The following ZNF608 variants were observed in gnomAD, a reference collection of about 807,000 sequenced individuals.
ZNF608 encodes the protein zinc finger protein 608.
ZNF608 carries 12 observed loss-of-function variants against 109.0 expected under a neutral mutation model. The observed-to-expected ratio is 0.11, with a 90% CI of 0.07 to 0.18. The LOEUF (loss-of-function observed/expected upper bound fraction) is 0.18, where lower values mean the gene tolerates loss of function less well. ZNF608 is among the 10% of genes least tolerant of loss of function. ZNF608 has a pLI of 1.00. For synonymous variants in ZNF608, 732 were observed against 717.4 expected (o/e 1.02, Z -0.33); for missense variants, 1,707 against 1,879.3 (o/e 0.91, Z 1.70).
chr5:124,640,045 A>G (rs956458108), intron 8 of ZNF608, among the ~76,000 whole-genome samples: 1 of 152,184 alleles, frequency 6.6e-6, no homozygotes, highest in African/African-American at 2.4e-5. Context: ...ACTCAATACA[A>G]ATTGTTTAAG....
At chr5:124,690,461 T>C (rs949123154) in intron 3 of ZNF608, among the ~76,000 whole-genome samples, 1 of 152,218 alleles carries the variant, frequency 6.6e-6, no homozygotes, top group Non-Finnish European at 1.5e-5. Flanking sequence ...ACGCTATGCA[T>C]GTGTAGGGGC....
intron 2 of ZNF608, among the ~76,000 whole-genome samples, chr5:124,711,697 C>T (rs888523743): frequency 6.6e-6 from 1 of 152,192 alleles, no homozygotes; most frequent in South Asian, 2.1e-4. Flanking sequence ...TGAGCAGTGG[C>T]CGCAGAGCCA....
intron 2 of ZNF608, among the ~76,000 whole-genome samples, chr5:124,725,944 G>A (rs916603488): frequency 2.0e-5 from 3 of 152,068 alleles, no homozygotes; most frequent in African/African-American, 7.2e-5. Flanking sequence ...ATAGAAAAGG[G>A]TGCTATATTC....
intron 2 of ZNF608, among the ~76,000 whole-genome samples, chr5:124,709,347 T>G (rs1753399734): frequency 6.6e-6 from 1 of 152,108 alleles, no homozygotes; most frequent in African/African-American, 2.4e-5. Context: ...TAAACAGCAG[T>G]GACTATTTTT....
chr5:124,744,658 G>T lies in ZNF608; in HGVS notation c.332C>A (p.Thr111Asn). ...CAGAGATTTATTAGCATCCTTAGAA[G>T]TTTTACTCCTTTTCACTTTTGATTT... ...TSKSKVKRSK[T>N]SKDANKSLPS... The change falls in exon 2 of 10, where the codon ACT becomes AAT. Residue 111 changes from threonine to asparagine, a missense_variant. Coordinates refer to ENST00000513986, the MANE Select transcript of ZNF608 (RefSeq NM_020747.3). This position sits in a 1 kb window ranked among gnomAD's most constrained non-coding sequence, Gnocchi z 4.5. 1 of 1,614,218 alleles carries T rather than the reference G, an allele frequency of 6.2e-7. No individual in the cohort carries two copies. The highest frequency in any genetic ancestry group is 8.5e-7 in the Non-Finnish European group (1 of 1,180,046).
chr5:124,728,149 C>T (rs1214745352), intron 2 of ZNF608, among the ~76,000 whole-genome samples: 1 of 152,124 alleles, frequency 6.6e-6, no homozygotes, highest in Non-Finnish European at 1.5e-5. Context: ...CAGGAAAGCT[C>T]TTATGCCTCT....
At chr5:124,680,580 A>G (rs1449278189) in intron 3 of ZNF608, among the ~76,000 whole-genome samples, 1 of 152,190 alleles carries the variant, frequency 6.6e-6, no homozygotes, top group Non-Finnish European at 1.5e-5. Flanking sequence ...GTTCTACTGA[A>G]GCATGTAGAA....
intron 3 of ZNF608, among the ~76,000 whole-genome samples, chr5:124,678,574 A>G (rs1178385965): frequency 6.6e-6 from 1 of 152,196 alleles, no homozygotes; most frequent in African/African-American, 2.4e-5. Flanking sequence ...TCCCATGCTC[A>G]CATCTAGACT....
At position 124,746,218 on chromosome 5, in the gene ZNF608, A is replaced by T; in HGVS notation, c.-207T>A. On this transcript the variant is annotated 5_prime_UTR_variant, in exon 1 of 10. Transcript: ENST00000513986. ...ACCTTTTAATCCTTTATCATTTTTTAATTAGGCCAGCAAATCAAAATGCCT... is the reference window on the plus strand; with the variant it reads ...ACCTTTTAATCCTTTATCATTTTTTTATTAGGCCAGCAAATCAAAATGCCT... The T allele has an allele frequency of 1.0e-6, 1 of 985,460 alleles. No individual in the cohort carries two copies. Among genetic ancestry groups the T allele is most frequent in the Non-Finnish European group, 1.2e-6 (1 of 829,932 alleles). The allele number at this position is 985,460 out of a possible 1,614,324, so 61.0% of individuals were successfully genotyped here.
At position 124,745,187 on chromosome 5, in the gene ZNF608, GGA is replaced by G; in HGVS notation, c.-183-17_-183-16del. The G allele has an allele frequency of 7.1e-7, 1 of 1,400,716 alleles. No individual in the cohort carries two copies. Among genetic ancestry groups the G allele is most frequent in the Non-Finnish European group, 9.2e-7 (1 of 1,086,264 alleles). The allele number at this position is 1,400,716 out of a possible 1,614,324, so 86.8% of individuals were successfully genotyped here. On this transcript the variant is annotated splice_polypyrimidine_tract_variant and intron_variant, in intron 1 of 9. Coordinates refer to ENST00000513986, the MANE Select transcript of ZNF608 (RefSeq NM_020747.3). ...TCCACCTTTTCCTGTGAAGGGGGGG[GGA>G]AAAGTCGAATATTTCTTGTCTGGGT...
Position 124,647,211 on chromosome 5 carries a change from G to A in ZNF608, c.3173C>T (p.Ser1058Phe), listed in dbSNP as rs1002187889. ...CACCGACTGGTGCTGAGGCTGTAAG[G>A]ATGCAGAATTGTGGTCCACTTTCTT... ...DSKKVDHNSA[S>F]LQPQHQSVIT... is the part of the protein sequence containing the mutation. The change falls in exon 5 of 10, where the codon TCC (serine) becomes TTC (phenylalanine). Residue 1058 changes from serine (S) to phenylalanine (F), a missense_variant. By Grantham distance (155) the Ser-to-Phe change is radical. Coordinates refer to ENST00000513986, the MANE Select transcript of ZNF608 (RefSeq NM_020747.3). 1.8e-5 allele frequency: 29 copies of A among 1,614,198 alleles called. No homozygotes were observed. The highest frequency in any genetic ancestry group is 2.4e-5 in the Non-Finnish European group (28 of 1,180,034).
In ZNF608 at chr5:124,707,445, C is replaced by T. The variant is rs80131684; in HGVS notation, c.907-6176G>A. On this transcript the variant is annotated intron_variant, in intron 2 of 9. Transcript: ENST00000513986. ...TATTGCCAAAAATATCCACACCGAT[C>T]CTGCTATTAACCCCTCAATCCCGGG... Among the ~76,000 whole-genome samples the T allele has an allele frequency of 8.3e-3, 1,268 of 152,316 alleles. 11 individuals carry two copies. The highest frequency in any genetic ancestry group is 0.014 in the Non-Finnish European group (986 of 68,030).
upstream of ZNF608, chr5:124,748,592 A>T: frequency 1.0e-6 from 1 of 985,270 alleles, no homozygotes; most frequent in Non-Finnish European, 1.2e-6. Flanking sequence ...GTTTGGTTGC[A>T]GCCGCTTTAT....
chr5:124,706,471 A>G (rs1023891598), intron 2 of ZNF608, among the ~76,000 whole-genome samples: 11 of 152,334 alleles, frequency 7.2e-5, no homozygotes, highest in Non-Finnish European at 1.6e-4. Flanking sequence ...TTCAAAGGCA[A>G]TTCACAAGAG....
chr5:124,649,250 C>CA, intron 4 of ZNF608, 117 bp from the exon 5 acceptor site: 4 of 819,060 alleles, frequency 4.9e-6, no homozygotes, highest in Non-Finnish European at 7.2e-6. Flanking sequence ...GGGCTGGGCC[C>CA]AGTCAAGGAA....
intron 3 of ZNF608, among the ~76,000 whole-genome samples, chr5:124,659,833 A>C (rs1751174120): frequency 6.6e-6 from 1 of 152,188 alleles, no homozygotes; most frequent in African/African-American, 2.4e-5. Context: ...TCCACATCAA[A>C]AAGCTGCTAC....
intron 2 of ZNF608, among the ~76,000 whole-genome samples, chr5:124,723,859 G>GA (rs1460523756): frequency 6.6e-6 from 1 of 151,916 alleles, no homozygotes; most frequent in Non-Finnish European, 1.5e-5. Context: ...ATTATACACT[G>GA]AAATACTTTA....
At chr5:124,721,974 A>G (rs1337480306) in intron 2 of ZNF608, among the ~76,000 whole-genome samples, 4 of 140,070 alleles carry the variant, frequency 2.9e-5, no homozygotes, top group Admixed American at 1.5e-4. Context: ...AAAAAAAAAG[A>G]ACTCAAAGCC....
At chr5:124,662,808 C>G (rs1408027625) in intron 3 of ZNF608, among the ~76,000 whole-genome samples, 2 of 149,242 alleles carry the variant, frequency 1.3e-5, no homozygotes, top group African/African-American at 4.9e-5. Context: ...GTTACAGACA[C>G]ACAGACACAC....
Sources: gnomAD v4.1 joint callset for allele counts (sites outside exome capture counted in the v4.1 genomes callset) on GRCh38, gnomAD v4.1.1 for gene constraint, Gnocchi (gnomAD v3.1) non-coding constraint, MANE v1.5 for transcripts, NCBI Gene and HGNC (gene_info 2026-07-23, HGNC 2026-07-21) for gene names.